The following ZFHX3 variants were observed in gnomAD, a reference collection of about 807,000 sequenced individuals.
ZFHX3 encodes the protein zinc finger homeobox 3, also known as zinc finger homeobox protein 3.
Under a neutral mutation model 279.1 loss-of-function variants are expected in ZFHX3, and 42 were observed. The ratio of observed to expected loss-of-function variants is 0.15; its 90% CI spans 0.12 to 0.19. The LOEUF is 0.19. Ranked by LOEUF, ZFHX3 falls within the 10% of genes least tolerant of loss-of-function variation. The pLI is 1.00. For missense variants in ZFHX3, 4,981 were observed against 4,754.0 expected, an observed-to-expected ratio of 1.05 and a Z score of -1.40; for synonymous variants, 2,293 against 1,957.8, an observed-to-expected ratio of 1.17 and a Z score of -4.52.
rs144540900 is a variant in ZFHX3, at chr16:73,704,125, G to A, written c.-1607-23885C>T. ...TGGGCACGTTCAGGGTGGTATGGCC[G>A]TAAACAGAAATTATACAATTTCAGA... On this transcript the variant is annotated intron_variant, in intron 1 of 17. Coordinates refer to the ZFHX3 transcript ENST00000641206. 2.9e-3 allele frequency among the ~76,000 whole-genome samples: 446 copies of A among 152,276 alleles called. 4 individuals are homozygous for A. Among genetic ancestry groups the A allele is most frequent in the African/African-American group, 9.6e-3 (399 of 41,570 alleles).
At chr16:73,719,051 C>T (rs1262107362) in intron 1 of ZFHX3, among the ~76,000 whole-genome samples, 2 of 152,220 alleles carry the variant, frequency 1.3e-5, no homozygotes, top group Non-Finnish European at 2.9e-5. Context: ...CTTGATGTCA[C>T]ATGTTCAGCT....
intron 1 of ZFHX3, among the ~76,000 whole-genome samples, chr16:73,757,841 A>G (rs2053826427): frequency 6.6e-6 from 1 of 152,214 alleles, no homozygotes; most frequent in Non-Finnish European, 1.5e-5. Flanking sequence ...CAAGAAGCCC[A>G]GGAAACCTTG....
At chr16:73,741,028 CTTTTT>C (rs57661722) in intron 1 of ZFHX3, among the ~76,000 whole-genome samples, 3 of 85,572 alleles carry the variant, frequency 3.5e-5, no homozygotes, top group African/African-American at 8.3e-5. Context: ...AAAAATGGGC[CTTTTT>C]TTTTTTTTTT....
intron 1 of ZFHX3, among the ~76,000 whole-genome samples, chr16:73,026,692 A>AAAAAG (rs1964521547): frequency 6.6e-6 from 1 of 151,246 alleles, no homozygotes; most frequent in Non-Finnish European, 1.5e-5. Flanking sequence ...AAAAAAAAAA[A>AAAAAG]AAACACATAG....
At chr16:73,161,991 T>C (rs1967247573) in intron 5 of ZFHX3, among the ~76,000 whole-genome samples, 1 of 152,232 alleles carries the variant, frequency 6.6e-6, no homozygotes, top group African/African-American at 2.4e-5. Flanking sequence ...ATTGTTATAA[T>C]GATACAAGCT....
intron 2 of ZFHX3, among the ~76,000 whole-genome samples, chr16:73,601,008 T>C (rs2052108798): frequency 1.7e-5 from 1 of 60,458 alleles, no homozygotes. Flanking sequence ...GCCTTTTTTG[T>C]TTCTCAAAAA....
intron 8 of ZFHX3, among the ~76,000 whole-genome samples, chr16:73,073,049 A>G (rs1000743083): frequency 3.3e-5 from 5 of 151,490 alleles, no homozygotes; most frequent in African/African-American, 7.3e-5. Flanking sequence ...GGCATGCACC[A>G]CAATGCCCGG....
At chr16:73,000,421 AT>A (rs556172365) in intron 1 of ZFHX3, among the ~76,000 whole-genome samples, 2 of 151,956 alleles carry the variant, frequency 1.3e-5, no homozygotes, top group Admixed American at 6.6e-5. Context: ...TCTGCTTTCC[AT>A]TTTTTTCCTA....
At chr16:73,168,215 C>CTTTCTTTCTT (rs1555502333) in intron 5 of ZFHX3, among the ~76,000 whole-genome samples, 1 of 92,462 alleles carries the variant, frequency 1.1e-5, no homozygotes, top group African/African-American at 4.6e-5. Context: ...CTTTTGTTTT[C>CTTTCTTTCTT]TTTCTTTCTT....
chr16:73,416,735 G>A (rs1381375208), intron 3 of ZFHX3, among the ~76,000 whole-genome samples: 1 of 149,380 alleles, frequency 6.7e-6, no homozygotes, highest in Non-Finnish European at 1.5e-5. Context: ...TTAGCCGGGT[G>A]CGGTGGCGGG....
At chr16:73,449,085 C>G (rs566020537) in intron 3 of ZFHX3, among the ~76,000 whole-genome samples, 3 of 152,054 alleles carry the variant, frequency 2.0e-5, no homozygotes, top group African/African-American at 7.2e-5. Flanking sequence ...CCTATGAGTC[C>G]ATGTATTAAT....
At position 73,370,318 on chromosome 16, in the gene ZFHX3, A is replaced by C. The variant is rs1455486779; in HGVS notation, c.-1290-51982T>G. Among the ~76,000 whole-genome samples, 3 of 152,190 alleles carry C rather than the reference A, an allele frequency of 2.0e-5. No individual in the cohort carries two copies. The East Asian group carries it at 5.8e-4, about 29-fold the overall frequency. On this transcript the variant is annotated intron_variant, in intron 3 of 17. Coordinates refer to the ZFHX3 transcript ENST00000641206. ...ACAAGTCACATGCATCCTCTCATCAAAGCCATTTGATTTTTTTATTTTTAT... is the reference window on the plus strand; with the variant it reads ...ACAAGTCACATGCATCCTCTCATCACAGCCATTTGATTTTTTTATTTTTAT...
chr16:73,343,208 A>G (rs1191601062), intron 3 of ZFHX3, among the ~76,000 whole-genome samples: 1 of 152,158 alleles, frequency 6.6e-6, no homozygotes, highest in Non-Finnish European at 1.5e-5. Flanking sequence ...AAGTATCAGT[A>G]TGTTTCATAT....
intron 3 of ZFHX3, among the ~76,000 whole-genome samples, chr16:72,928,173 G>GAGC (rs1959574708): frequency 1.4e-5 from 1 of 71,386 alleles, no homozygotes; most frequent in Non-Finnish European, 2.7e-5. Flanking sequence ...AGAGGGAGGG[G>GAGC]GAGGGGAGAG....
At chr16:73,781,797 AC>A (rs1311081141) in intron 1 of ZFHX3, among the ~76,000 whole-genome samples, 1 of 152,082 alleles carries the variant, frequency 6.6e-6, no homozygotes, top group East Asian at 1.9e-4. Context: ...GACCAGCCTG[AC>A]CAACATAGTG....
intron 1 of ZFHX3, among the ~76,000 whole-genome samples, chr16:73,747,466 A>C (rs1597093104): frequency 6.6e-6 from 1 of 152,202 alleles, no homozygotes; most frequent in East Asian, 1.9e-4. Context: ...CTGAGTGAGC[A>C]AGAAATAAAT....
chr16:72,898,646 G>C (rs558712703), intron 3 of ZFHX3, among the ~76,000 whole-genome samples: 4 of 150,850 alleles, frequency 2.7e-5, no homozygotes, highest in South Asian at 2.1e-4. Context: ...TCTGCTAGGA[G>C]AACTCCACAA....
At chr16:73,347,551 G>A (rs1399233929) in intron 3 of ZFHX3, among the ~76,000 whole-genome samples, 12 of 152,256 alleles carry the variant, frequency 7.9e-5, no homozygotes, top group Admixed American at 7.8e-4. Flanking sequence ...GGGAGGCTCA[G>A]TGAGAGAGAA....
chr16:73,079,750 C>CCA lies in ZFHX3; in HGVS notation c.-533+13483_-533+13484dup, dbSNP rs1224347565. 2.6e-5 allele frequency among the ~76,000 whole-genome samples: 4 copies of CCA among 152,166 alleles called. No individual in the cohort carries two copies. In the East Asian group the frequency reaches 7.7e-4, roughly 29 times the overall value. ...TTGGTTCTACTGCCTTTTTGATGTG[C>CCA]CATCCTTCCATTCATTACCCAATTT... On this transcript the variant is annotated intron_variant, in intron 8 of 17. Coordinates refer to the ZFHX3 transcript ENST00000641206.
Sources: allele counts gnomAD v4.1 joint callset (sites outside exome capture counted in the v4.1 genomes callset), GRCh38; gene constraint gnomAD v4.1.1; transcripts MANE v1.5; gene names NCBI Gene and HGNC (gene_info 2026-07-23, HGNC 2026-07-21).